The following ITGA3 variants were observed in gnomAD, a reference collection of about 807,000 sequenced individuals.
The protein encoded by ITGA3 is integrin alpha-3.
In ITGA3, 70 loss-of-function variants were observed where a neutral mutation model predicts 131.1. The ratio of observed to expected loss-of-function variants is 0.53; its 90% CI spans 0.44 to 0.65. The LOEUF is 0.65. Among genes scored for constraint, ITGA3 ranks in the 30% least tolerant of loss-of-function variants. ITGA3 has a pLI of 0.00. For missense variants in ITGA3, 1,098 were observed against 1,388.6 expected (o/e 0.79, Z 3.33); for synonymous variants, 537 against 571.6 (o/e 0.94, Z 0.86).
chr17:50,068,828 T>G (rs1316848679), intron 4 of ITGA3, among the ~76,000 whole-genome samples: 9 of 137,876 alleles, frequency 6.5e-5, no homozygotes, highest in Non-Finnish European at 1.4e-4. Context: ...ATTTATTTAT[T>G]TATTTATTTA....
intron 23 of ITGA3, among the ~76,000 whole-genome samples, chr17:50,084,230 C>CAAA (rs61103198): frequency 0.2 from 5,283 of 26,918 alleles, 756 homozygotes; most frequent in East Asian, 0.33. Flanking sequence ...GACTCTGTCT[C>CAAA]AAAAAAAAAA....
chr17:50,069,473 G>T (rs1438779213), intron 4 of ITGA3, among the ~76,000 whole-genome samples: 2 of 152,048 alleles, frequency 1.3e-5, no homozygotes, highest in African/African-American at 4.8e-5. Flanking sequence ...CAAGACTAAC[G>T]TGGGCAACGT....
In ITGA3 at chr17:50,056,110, A is replaced by C; in HGVS notation, c.-330A>C. On this transcript the variant is annotated 5_prime_UTR_variant, in exon 1 of 26. Transcript: ENST00000320031. This position sits in a 1 kb window ranked among gnomAD's most constrained non-coding sequence, Gnocchi z 5.6. Reference sequence around the variant, plus strand: ...CTTGCGGTCGACCGGTGCGCTTGCCAGATCCGCCGCGAAGCCGGGATCGAA... The same window carrying C: ...CTTGCGGTCGACCGGTGCGCTTGCCCGATCCGCCGCGAAGCCGGGATCGAA... 3 of 269,492 alleles carry C rather than the reference A, an allele frequency of 1.1e-5. No homozygotes were observed. Among genetic ancestry groups the C allele is most frequent in the Non-Finnish European group, 2.1e-5 (3 of 144,720 alleles). 16.7% of individuals were successfully genotyped at this position (269,492 alleles called of 1,614,324 possible).
intron 23 of ITGA3, 59 bp downstream of exon 23, chr17:50,081,467 A>G: frequency 8.1e-7 from 1 of 1,238,724 alleles, no homozygotes; most frequent in South Asian, 1.3e-5. Flanking sequence ...AGTACAGGGC[A>G]TCTTTTAAGA....
intron 1 of ITGA3, among the ~76,000 whole-genome samples, chr17:50,059,929 CTTG>C: frequency 6.6e-6 from 1 of 152,234 alleles, no homozygotes; most frequent in Middle Eastern, 3.4e-3. Flanking sequence ...CTCCCTCCAG[CTTG>C]TTGCTCTGGT....
At position 50,080,505 on chromosome 17, in the gene ITGA3, T is replaced by A. The variant is rs2018134; in HGVS notation, c.2820+130T>A. On this transcript the variant is annotated intron_variant, in intron 22 of 25. Transcript: ENST00000320031. The stretch of plus-strand genomic sequence containing the variant: ...GTGTGTGTGTGTGTGTGTGTGTGTG[T>A]GATTTGCGTGTCTTTGCATGGATGT... The A allele has an allele frequency of 0.019, 9,806 of 525,972 alleles. 197 individuals carry two copies. Among genetic ancestry groups the A allele is most frequent in the African/African-American group, 0.076 (3,740 of 48,926 alleles). The allele number at this position is 525,972 out of a possible 1,614,324, so 32.6% of individuals were successfully genotyped here.
intron 14 of ITGA3, 30 bp from the exon 15 acceptor site, chr17:50,076,944 C>T: frequency 6.3e-7 from 1 of 1,586,574 alleles, no homozygotes; most frequent in Non-Finnish European, 8.6e-7. Flanking sequence ...GGGCGGGGCT[C>T]TTGGCTGAGT....
rs1907798518 is a variant in ITGA3 at position 50,056,271 on chromosome 17, G to A, written c.-169G>A. On this transcript the variant is annotated 5_prime_UTR_variant, in exon 1 of 26. Transcript: ENST00000320031. This position sits in a 1 kb window ranked among gnomAD's most constrained non-coding sequence, Gnocchi z 5.6. Reference sequence around the variant, plus strand: ...TCTTAGGAAGGGATCCGAGAGCGCAGCTGTGAAACTGGCTGGGGCTGGGGG... The same window carrying A: ...TCTTAGGAAGGGATCCGAGAGCGCAACTGTGAAACTGGCTGGGGCTGGGGG... 1 of 497,132 alleles carries A rather than the reference G, an allele frequency of 2.0e-6. No individual in the cohort carries two copies. Among genetic ancestry groups the A allele is most frequent in the Non-Finnish European group, 3.5e-6 (1 of 287,688 alleles). 30.8% of individuals were successfully genotyped at this position (497,132 alleles called of 1,614,324 possible).
At chr17:50,088,140 C>T in intron 24 of ITGA3, 85 bp from the exon 25 acceptor site, 1 of 1,479,668 alleles carries the variant, frequency 6.8e-7, no homozygotes, top group Non-Finnish European at 9.0e-7. Context: ...GCTCCCCAGC[C>T]CTAAAGCCCT....
In ITGA3 at chr17:50,076,984, A is replaced by T. The variant is rs774823234; in HGVS notation, c.1933A>T (p.Ser645Cys). 5 of 1,609,656 alleles carry T rather than the reference A, an allele frequency of 3.1e-6. No individual in the cohort carries two copies. The highest frequency in any genetic ancestry group is 4.2e-6 in the Non-Finnish European group (5 of 1,177,272). Residue 645 changes from serine (S) to cysteine (C), a missense_variant, in exon 15 of 26, where the codon AGC (serine) becomes TGC (cysteine). Ser to Cys is a moderately radical substitution (Grantham distance 112, BLOSUM62 -1). Around this residue, in one of 3 missense-constraint regions of ITGA3, gnomAD observed 699 missense variants for 829.2 expected, o/e 0.84. Coordinates refer to ENST00000320031, the MANE Select transcript of ITGA3 (RefSeq NM_002204.4). ...GGCTCCTGCTCTCAGGCTCCAGTACAGCAGAGACGTCCGGAAATTGCTCCT... is the reference window on the plus strand; with the variant it reads ...GGCTCCTGCTCTCAGGCTCCAGTACTGCAGAGACGTCCGGAAATTGCTCCT... ...QQQKLSRLQY[S>C]RDVRKLLLSI...
chr17:50,088,247 G>A lies in ITGA3; in HGVS notation c.3068G>A (p.Arg1023His), dbSNP rs755058557. 28 of 1,573,190 alleles carry A rather than the reference G, an allele frequency of 1.8e-5. No individual in the cohort carries two copies. The highest frequency in any genetic ancestry group is 2.3e-5 in the East Asian group (1 of 42,938). The change falls in exon 25 of 26, where the codon CGC becomes CAC. Residue 1023 changes from arginine to histidine, a missense_variant. Arg to His is a conservative substitution (Grantham distance 29). This residue lies in a region of ITGA3 where 699 missense variants were observed against 829.2 expected (regional missense o/e 0.84). Coordinates refer to ENST00000320031, the MANE Select transcript of ITGA3 (RefSeq NM_002204.4). Reference sequence around the variant, plus strand: ...CAGTGCGGCTTCTTCAAGCGAGCCCGCACTCGCGCCCTGTATGAAGCTAAG... The same window carrying A: ...CAGTGCGGCTTCTTCAAGCGAGCCCACACTCGCGCCCTGTATGAAGCTAAG... ...LWKCGFFKRA[R>H]TRALYEAKRQ... is the part of the protein sequence containing the mutation.
chr17:50,073,894 T>C (rs1005159439), intron 7 of ITGA3, 22 bp from the exon 8 acceptor site: 2 of 1,599,424 alleles, frequency 1.3e-6, no homozygotes, highest in African/African-American at 1.3e-5. Context: ...TGGGTGACCC[T>C]GTCTTGCCTT....
At chr17:50,087,290 G>C (rs997329352) in intron 23 of ITGA3, 2 of 154,982 alleles carry the variant, frequency 1.3e-5, no homozygotes, top group Non-Finnish European at 2.9e-5. Flanking sequence ...CAAACAGCTC[G>C]TGAATAGCAA....
At chr17:50,068,862 T>TTTATTTA (rs1454108458) in intron 4 of ITGA3, among the ~76,000 whole-genome samples, 5 of 115,004 alleles carry the variant, frequency 4.3e-5, no homozygotes, top group Non-Finnish European at 1.0e-4. Flanking sequence ...TTATTTATTT[T>TTTATTTA]TTTGAGACAG....
Position 50,068,045 on chromosome 17 carries a change from G to T in ITGA3, c.415-11G>T. 6.2e-7 allele frequency: 1 copy of T among 1,613,592 alleles called. No homozygotes were observed. ...CCTGACTAAGGCTGCCTGTGTTTGG[G>T]GGGTCCCCAGGTCTGTGCCCACCGC... On this transcript the variant is annotated splice_polypyrimidine_tract_variant and intron_variant, in intron 3 of 25. Coordinates refer to ENST00000320031, the MANE Select transcript of ITGA3 (RefSeq NM_002204.4).
chr17:50,064,724 T>A lies in ITGA3; in HGVS notation c.414+117T>A. The stretch of plus-strand genomic sequence containing the variant: ...TCCACGGCGCGTGTGTGCTGGGGCC[T>A]GCACACATGTCCCTTCCTGTGGCTG... On this transcript the variant is annotated intron_variant, in intron 3 of 25. Coordinates refer to ENST00000320031, the MANE Select transcript of ITGA3 (RefSeq NM_002204.4). This position sits in a 1 kb window ranked among gnomAD's most constrained non-coding sequence, Gnocchi z 4.4. The A allele has an allele frequency of 9.6e-6, 7 of 731,660 alleles. No individual in the cohort carries two copies. The highest frequency in any genetic ancestry group is 1.4e-5 in the Non-Finnish European group (6 of 441,592). 45.3% of individuals were successfully genotyped at this position (731,660 alleles called of 1,614,324 possible).
At chr17:50,073,821 A>G in intron 7 of ITGA3, 95 bp from the exon 8 acceptor site, 1 of 861,566 alleles carries the variant, frequency 1.2e-6, no homozygotes, top group Admixed American at 1.8e-5. Context: ...GGCCAAGATC[A>G]GTTCTGTGCT....
At chr17:50,087,335 A>G (rs1909498626) in intron 23 of ITGA3, 1 of 161,666 alleles carries the variant, frequency 6.2e-6, no homozygotes, top group Admixed American at 6.4e-5. Flanking sequence ...TGGCTCCAGA[A>G]CCCCTGCTTT....
intron 23 of ITGA3, among the ~76,000 whole-genome samples, chr17:50,084,713 A>G (rs1909315266): frequency 6.6e-6 from 1 of 152,144 alleles, no homozygotes; most frequent in Non-Finnish European, 1.5e-5. Context: ...TGAGCCTAGG[A>G]GTTTGAGGCT....
Sources: allele counts gnomAD v4.1 joint callset (sites outside exome capture counted in the v4.1 genomes callset), GRCh38; gene constraint gnomAD v4.1.1; regional missense constraint gnomAD v4.1.1; non-coding constraint Gnocchi (gnomAD v3.1); transcripts MANE v1.5; gene names NCBI Gene and HGNC (gene_info 2026-07-23, HGNC 2026-07-21).